The following LEMD3 variants were observed in gnomAD, a reference collection of about 807,000 sequenced individuals.
LEMD3 encodes inner nuclear membrane protein Man1.
LEMD3 carries 33 observed loss-of-function variants against 95.2 expected under a neutral mutation model. The ratio of observed to expected loss-of-function variants is 0.35; its 90% CI spans 0.26 to 0.46. The LOEUF is 0.46. LEMD3 is among the 20% of genes least tolerant of loss of function. LEMD3 has a pLI of 1.00. For synonymous variants in LEMD3, 525 were observed against 474.6 expected, an observed-to-expected ratio of 1.11 and a Z score of -1.38; for missense variants, 1,210 against 1,192.8, an observed-to-expected ratio of 1.01 and a Z score of -0.21.
intron 4 of LEMD3, among the ~76,000 whole-genome samples, chr12:65,236,237 A>G (rs555816077): frequency 1.3e-3 from 198 of 152,280 alleles, no homozygotes; most frequent in African/African-American, 4.5e-3. Flanking sequence ...TTCTGTTTTT[A>G]GAAATTCATT....
intron 1 of LEMD3, among the ~76,000 whole-genome samples, chr12:65,183,667 T>G (rs1318600710): frequency 5.3e-5 from 8 of 152,154 alleles, no homozygotes; most frequent in Admixed American, 6.5e-5. Context: ...CTGTCCTGTT[T>G]TTTGTTTCTG....
chr12:65,212,235 T>C (rs1252265960), intron 2 of LEMD3, among the ~76,000 whole-genome samples: 2 of 152,092 alleles, frequency 1.3e-5, no homozygotes, highest in Non-Finnish European at 2.9e-5. Context: ...ATGATTCAAT[T>C]ACCTCCCACC....
chr12:65,213,463 G>A (rs1398909037), intron 2 of LEMD3, among the ~76,000 whole-genome samples: 1 of 152,134 alleles, frequency 6.6e-6, no homozygotes, highest in Non-Finnish European at 1.5e-5. Flanking sequence ...CTGAGCTCAA[G>A]CAATTCTCCT....
chr12:65,218,738 T>C, intron 4 of LEMD3, 119 bp downstream of exon 4: 1 of 635,876 alleles, frequency 1.6e-6, no homozygotes, highest in Non-Finnish European at 2.8e-6. Flanking sequence ...TTGGGCCTGC[T>C]GTTTGGTATA....
intron 9 of LEMD3, 34 bp from the exon 10 acceptor site, chr12:65,243,354 A>G: frequency 8.1e-7 from 1 of 1,239,672 alleles, no homozygotes; most frequent in African/African-American, 1.5e-5. Context: ...AACTAGAACA[A>G]TGTCAAATAG....
chr12:65,239,505 A>T (rs994784421), intron 6 of LEMD3, among the ~76,000 whole-genome samples: 1 of 152,164 alleles, frequency 6.6e-6, no homozygotes, highest in South Asian at 2.1e-4. Context: ...CCATGATTGC[A>T]CTACTGCCCT....
chr12:65,193,776 TGGG>T (rs1565784148), intron 1 of LEMD3, among the ~76,000 whole-genome samples: 1 of 46,718 alleles, frequency 2.1e-5, no homozygotes, highest in Admixed American at 2.1e-4. Flanking sequence ...GTGTGTGTGT[TGGG>T]GGAGGGGGCC....
At chr12:65,241,364 ATT>A (rs1294280826) in intron 9 of LEMD3, among the ~76,000 whole-genome samples, 6 of 151,860 alleles carry the variant, frequency 4.0e-5, no homozygotes, top group Middle Eastern at 3.5e-3. Flanking sequence ...TATTAACTGC[ATT>A]CTTTTCATCT....
chr12:65,211,226 G>A (rs1329735603), intron 2 of LEMD3, among the ~76,000 whole-genome samples: 1 of 152,100 alleles, frequency 6.6e-6, no homozygotes, highest in Non-Finnish European at 1.5e-5. Flanking sequence ...TCACTTTACT[G>A]TAAAAGACTA....
At chr12:65,232,562 ATAAACT>A (rs1306756717) in intron 4 of LEMD3, among the ~76,000 whole-genome samples, 1 of 152,162 alleles carries the variant, frequency 6.6e-6, no homozygotes. Flanking sequence ...GGAAATTTAA[ATAAACT>A]TAATAACTAA....
chr12:65,216,251 AAT>A (rs1008643226), intron 3 of LEMD3, among the ~76,000 whole-genome samples: 7 of 151,036 alleles, frequency 4.6e-5, no homozygotes, highest in South Asian at 2.1e-4. Context: ...TATTAGAGGT[AAT>A]ATATATATAT....
Position 65,170,103 on chromosome 12 carries a change from G to T in LEMD3, c.507G>T (p.Gly169=). The T allele has an allele frequency of 1.4e-6, 2 of 1,463,650 alleles. No individual in the cohort carries two copies. The highest frequency in any genetic ancestry group is 9.0e-7 in the Non-Finnish European group (1 of 1,115,394). The allele number at this position is 1,463,650 out of a possible 1,614,324, so 90.7% of individuals were successfully genotyped here. Residue 169 remains glycine (G), a synonymous_variant, in exon 1 of 13, where the codon GGG becomes GGT. Coordinates refer to ENST00000308330, the MANE Select transcript of LEMD3 (RefSeq NM_014319.5). ...ACCGGGCTTCGCTCCAGTACCGCGG[G>T]CTCAAAGCGCCGCCGGCGCCCCTGG... ...RKDRASLQYR[G]LKAPPAPLAA...
chr12:65,214,926 C>T (rs749529707), intron 2 of LEMD3, among the ~76,000 whole-genome samples: 1 of 152,120 alleles, frequency 6.6e-6, no homozygotes, highest in African/African-American at 2.4e-5. Flanking sequence ...TAGGCTGTAC[C>T]ATTGCAATAA....
intron 4 of LEMD3, among the ~76,000 whole-genome samples, chr12:65,227,038 G>T (rs1013002209): frequency 6.6e-6 from 1 of 151,938 alleles, no homozygotes; most frequent in African/African-American, 2.4e-5. Flanking sequence ...ACAGTTAAAG[G>T]ATCAGAATTC....
intron 4 of LEMD3, among the ~76,000 whole-genome samples, chr12:65,229,801 C>T (rs1870567880): frequency 6.6e-6 from 1 of 152,190 alleles, no homozygotes; most frequent in Non-Finnish European, 1.5e-5. Flanking sequence ...TCTCTTCACT[C>T]TGTTGCTGCC....
chr12:65,229,027 C>T (rs1256214390), intron 4 of LEMD3, among the ~76,000 whole-genome samples: 3 of 152,176 alleles, frequency 2.0e-5, no homozygotes, highest in African/African-American at 7.2e-5. Context: ...CCACTATTCT[C>T]TTCTACCTCC....
At chr12:65,239,616 G>A (rs1234502054) in intron 6 of LEMD3, among the ~76,000 whole-genome samples, 1 of 151,908 alleles carries the variant, frequency 6.6e-6, no homozygotes, top group Non-Finnish European at 1.5e-5. Flanking sequence ...AATCTCATGA[G>A]GTTCACTTTT....
At chr12:65,231,988 A>G (rs548395208) in intron 4 of LEMD3, among the ~76,000 whole-genome samples, 5 of 152,180 alleles carry the variant, frequency 3.3e-5, no homozygotes, top group East Asian at 3.9e-4. Flanking sequence ...TGGTTTTTCA[A>G]TATTATGAAA....
intron 2 of LEMD3, among the ~76,000 whole-genome samples, chr12:65,211,714 A>T (rs1373217384): frequency 6.6e-6 from 1 of 152,218 alleles, no homozygotes; most frequent in Admixed American, 6.5e-5. Context: ...GTAATATTCT[A>T]TTGCAGTGAT....
Sources: allele counts gnomAD v4.1 joint callset (sites outside exome capture counted in the v4.1 genomes callset), GRCh38; gene constraint gnomAD v4.1.1; transcripts MANE v1.5; gene names NCBI Gene and HGNC (gene_info 2026-07-23, HGNC 2026-07-21).